Variants in PAX3 observed in about 807,000 individuals in gnomAD.
The protein encoded by PAX3 is paired box 3.
A neutral mutation model predicts 51.6 loss-of-function variants in PAX3; 14 were observed. The observed-to-expected ratio is 0.27, with a 90% CI of 0.18 to 0.42. The LOEUF is 0.42. Among genes scored for constraint, PAX3 ranks in the 10% least tolerant of loss-of-function variants. The probability of loss-of-function intolerance (pLI) is 1.00; values close to 1 mark genes in which losing one functional copy is unlikely to be tolerated. For missense variants in PAX3, 540 were observed against 642.8 expected, an observed-to-expected ratio of 0.84 and a Z score of 1.73; for synonymous variants, 280 against 253.4, an observed-to-expected ratio of 1.11 and a Z score of -1.00.
chr2:222,212,172 C>A (rs1257652755), intron 7 of PAX3, among the ~76,000 whole-genome samples: 2 of 152,098 alleles, frequency 1.3e-5, no homozygotes, highest in African/African-American at 4.8e-5. Context: ...TAGAGTGACA[C>A]AAATAGAGGA....
chr2:222,265,369 G>A (rs1447867790), intron 4 of PAX3, among the ~76,000 whole-genome samples: 4 of 152,172 alleles, frequency 2.6e-5, no homozygotes, highest in Admixed American at 1.3e-4. Context: ...AATACTTGGA[G>A]CAAGATTTTT....
At chr2:222,244,771 C>T (rs1693158170) in intron 4 of PAX3, among the ~76,000 whole-genome samples, 1 of 150,494 alleles carries the variant, frequency 6.6e-6, no homozygotes. Flanking sequence ...AGCTCTTGCT[C>T]ATTCCCAATT....
intron 7 of PAX3, among the ~76,000 whole-genome samples, chr2:222,215,387 A>G (rs899294970): frequency 3.3e-5 from 5 of 152,202 alleles, no homozygotes; most frequent in Non-Finnish European, 5.9e-5. Flanking sequence ...CTACAAAACA[A>G]TAGAAAAGAT....
intron 5 of PAX3, among the ~76,000 whole-genome samples, chr2:222,225,355 A>AT (rs753995335): frequency 1.3e-5 from 2 of 152,134 alleles, no homozygotes; most frequent in Non-Finnish European, 2.9e-5. Context: ...ATGTCCAATG[A>AT]TTTTTTGAAA....
intron 4 of PAX3, among the ~76,000 whole-genome samples, chr2:222,286,667 CT>C (rs1172101628): frequency 6.6e-6 from 1 of 152,216 alleles, no homozygotes. Flanking sequence ...TTCCTTTCCC[CT>C]AGAAGAAATG....
At chr2:222,232,054 A>G in intron 5 of PAX3, 24 bp downstream of exon 5, 1 of 1,606,874 alleles carries the variant, frequency 6.2e-7, no homozygotes. Flanking sequence ...CTGAAGTAGG[A>G]CACGGAGGTT....
chr2:222,207,933 T>C (rs937829445), intron 7 of PAX3, among the ~76,000 whole-genome samples: 1 of 151,866 alleles, frequency 6.6e-6, no homozygotes, highest in South Asian at 2.1e-4. Context: ...TATAAAGGGT[T>C]TTTCAGGCTT....
intron 4 of PAX3, among the ~76,000 whole-genome samples, chr2:222,237,732 T>C (rs1368654239): frequency 6.6e-6 from 1 of 152,200 alleles, no homozygotes; most frequent in Non-Finnish European, 1.5e-5. Flanking sequence ...ATATCTAGGG[T>C]CAGTCTGGAA....
chr2:222,209,460 G>A (rs952070304), intron 7 of PAX3, among the ~76,000 whole-genome samples: 4 of 151,956 alleles, frequency 2.6e-5, no homozygotes, highest in African/African-American at 7.2e-5. Flanking sequence ...ATGGGGAAAT[G>A]GAGAACAGGC....
At chr2:222,248,282 G>A (rs901165429) in intron 4 of PAX3, among the ~76,000 whole-genome samples, 1 of 152,100 alleles carries the variant, frequency 6.6e-6, no homozygotes, top group Non-Finnish European at 1.5e-5. Context: ...GGAACAAAAC[G>A]ACTTCCCAGA....
Position 222,235,123 on chromosome 2 carries a change from T to A in PAX3, c.587-2840A>T, listed in dbSNP as rs572524323. On this transcript the variant is annotated intron_variant, in intron 4 of 8. Transcript: ENST00000392070. ...ATATGATGTGCCATGCACTGTCAGA[T>A]CAATTAATCAAAATCGTCTCTGGTT... is the stretch of plus-strand genomic sequence containing the variant. Among the ~76,000 whole-genome samples, 16 of 152,300 alleles carry A rather than the reference T, an allele frequency of 1.1e-4. No individual in the cohort carries two copies. The South Asian group carries it at 3.1e-3, about 30-fold the overall frequency.
At chr2:222,220,014 T>C in intron 7 of PAX3, 126 bp downstream of exon 7, 1 of 819,424 alleles carries the variant, frequency 1.2e-6, no homozygotes, top group Non-Finnish European at 2.0e-6. Flanking sequence ...AAAACTGAAA[T>C]CATGTGGCTT....
intron 4 of PAX3, among the ~76,000 whole-genome samples, chr2:222,234,627 T>C (rs1692731720): frequency 6.6e-6 from 1 of 152,160 alleles, no homozygotes; most frequent in Admixed American, 6.6e-5. Context: ...TGAGGTGGGC[T>C]CCAAGAGTTT....
In PAX3 at chr2:222,232,147, A is replaced by C; in HGVS notation, c.723T>G (p.Thr241=). ...LEELERAFER[T]HYPDIYTREE... ...CCCTAGTATAAATGTCAGGGTAATGAGTTCTCTCAAAAGCACGCTCCAGTT... is the reference window on the plus strand; with the variant it reads ...CCCTAGTATAAATGTCAGGGTAATGCGTTCTCTCAAAAGCACGCTCCAGTT... The change falls in exon 5 of 9, where the codon ACT becomes ACG. Residue 241 remains threonine, a synonymous_variant. Transcript: ENST00000392070. 6.2e-7 allele frequency: 1 copy of C among 1,614,030 alleles called. No homozygotes were observed. Among genetic ancestry groups the C allele is most frequent in the Non-Finnish European group, 8.5e-7 (1 of 1,179,960 alleles).
intron 1 of PAX3, chr2:222,298,186 A>G (rs1423053244): frequency 2.8e-6 from 1 of 351,838 alleles, no homozygotes; most frequent in African/African-American, 2.1e-5. Flanking sequence ...GACAACTTCG[A>G]GACAATTTCG....
chr2:222,234,562 G>T (rs1385830407), intron 4 of PAX3, among the ~76,000 whole-genome samples: 1 of 152,166 alleles, frequency 6.6e-6, no homozygotes, highest in Non-Finnish European at 1.5e-5. Flanking sequence ...GACCTGGAGG[G>T]CTTGGTAAAA....
In PAX3 at chr2:222,232,293, C is replaced by G. The variant is rs1451663098; in HGVS notation, c.587-10G>C. The G allele has an allele frequency of 6.8e-6, 11 of 1,610,734 alleles. No individual in the cohort carries two copies. Among genetic ancestry groups the G allele is most frequent in the Non-Finnish European group, 8.5e-6 (10 of 1,177,222 alleles). On this transcript the variant is annotated splice_polypyrimidine_tract_variant and intron_variant, in intron 4 of 8. Coordinates refer to ENST00000392070, the MANE Select transcript of PAX3 (RefSeq NM_181458.4). ...GATTGGGGTGCTGAGGCTAAAAGCA[C>G]AGAAGAACAAAACATCATAAAATGT...
At chr2:222,235,761 G>T (rs1226727196) in intron 4 of PAX3, among the ~76,000 whole-genome samples, 1 of 152,030 alleles carries the variant, frequency 6.6e-6, no homozygotes, top group East Asian at 1.9e-4. Flanking sequence ...TGAAAGCAGG[G>T]CCTGGTGATT....
intron 4 of PAX3, among the ~76,000 whole-genome samples, chr2:222,278,943 T>C (rs1264190013): frequency 1.3e-5 from 2 of 152,112 alleles, no homozygotes; most frequent in African/African-American, 4.8e-5. Flanking sequence ...GTTTTTGTTG[T>C]TGTTGTTGCT....
Sources: gnomAD v4.1 joint callset for allele counts (sites outside exome capture counted in the v4.1 genomes callset) on GRCh38, gnomAD v4.1.1 for gene constraint, MANE v1.5 for transcripts, NCBI Gene and HGNC (gene_info 2026-07-23, HGNC 2026-07-21) for gene names.